Variants in KCTD1 observed in about 807,000 individuals in gnomAD.
KCTD1 encodes the protein BTB/POZ domain-containing protein KCTD1.
In KCTD1, 24 loss-of-function variants were observed where a neutral mutation model predicts 66.0. The observed-to-expected ratio is 0.36, with a 90% CI of 0.26 to 0.51. KCTD1 has a LOEUF of 0.51. Among genes scored for constraint, KCTD1 ranks in the 20% least tolerant of loss-of-function variants. The pLI, the probability that KCTD1 is intolerant of heterozygous loss-of-function variation, is 0.95. For missense variants in KCTD1, 943 were observed against 1,205.2 expected, an observed-to-expected ratio of 0.78 and a Z score of 3.22; for synonymous variants, 511 against 517.2, an observed-to-expected ratio of 0.99 and a Z score of 0.16.
intron 1 of KCTD1, among the ~76,000 whole-genome samples, chr18:26,652,230 G>T (rs1988050589): frequency 6.6e-6 from 1 of 152,166 alleles, no homozygotes; most frequent in African/African-American, 2.4e-5. Flanking sequence ...TGTAAGGCAG[G>T]TTAGAGAGAT....
intron 1 of KCTD1, among the ~76,000 whole-genome samples, chr18:26,580,420 C>T (rs916930983): frequency 5.3e-5 from 8 of 152,120 alleles, no homozygotes; most frequent in African/African-American, 1.9e-4. Flanking sequence ...CTTTATCATT[C>T]AGTCAGATCT....
At chr18:26,650,213 T>C (rs1420026005) in intron 1 of KCTD1, among the ~76,000 whole-genome samples, 1 of 152,194 alleles carries the variant, frequency 6.6e-6, no homozygotes. Flanking sequence ...AACCAGCAGG[T>C]GAGGGTATCT....
intron 1 of KCTD1, chr18:26,657,238 T>G: frequency 4.2e-6 from 3 of 715,236 alleles, no homozygotes; most frequent in Non-Finnish European, 5.1e-6. Flanking sequence ...GCGGGCGGCG[T>G]GTGTGCGAGT....
intron 1 of KCTD1, among the ~76,000 whole-genome samples, chr18:26,589,013 C>CAGTCAGCAGTTAGATA (rs1268547559): frequency 1.4e-4 from 22 of 152,060 alleles, no homozygotes; most frequent in African/African-American, 5.1e-4. Flanking sequence ...TAACTGCAAA[C>CAGTCAGCAGTTAGATA]AATCAGCAGA....
At chr18:26,657,431 T>A (rs1988182903), upstream of KCTD1, 1 of 979,556 alleles carries the variant, frequency 1.0e-6, no homozygotes, top group Non-Finnish European at 1.2e-6. Flanking sequence ...TTCCGATTTC[T>A]CTCCCAGCGA....
intron 1 of KCTD1, 78 bp from the exon 2 acceptor site, chr18:26,501,328 AAAC>A (rs1225698020): frequency 4.0e-6 from 5 of 1,249,688 alleles, no homozygotes; most frequent in Non-Finnish European, 5.5e-6. Context: ...CATAAAGAAT[AAAC>A]GAGTGATTAA....
At chr18:26,643,977 C>A (rs58336405), upstream of KCTD1, among the ~76,000 whole-genome samples, 15,349 of 151,772 alleles carry the variant, frequency 0.1, 1,394 homozygotes, top group African/African-American at 0.24. Context: ...AAAAAGGGGG[C>A]CTGCTAAGGT....
At chr18:26,492,443 G>A (rs1344555993) in intron 2 of KCTD1, among the ~76,000 whole-genome samples, 2 of 151,946 alleles carry the variant, frequency 1.3e-5, no homozygotes, top group African/African-American at 4.8e-5. Flanking sequence ...AGACCAGCCT[G>A]GGCAACATGG....
chr18:26,504,714 G>A lies in KCTD1; in HGVS notation c.1810-3464C>T, dbSNP rs181496449. On this transcript the variant is annotated intron_variant, in intron 1 of 4. Transcript: ENST00000580059. Reference sequence around the variant, plus strand: ...ATCCTTAGGCTGGGGTTGGGGGGGCGATATTTGGGGCTGAGAGTTTGGGCA... The same window carrying A: ...ATCCTTAGGCTGGGGTTGGGGGGGCAATATTTGGGGCTGAGAGTTTGGGCA... Among the ~76,000 whole-genome samples the A allele has an allele frequency of 3.3e-5, 5 of 151,140 alleles. 1 individual carries two copies. The highest frequency in any genetic ancestry group is 4.2e-4 in the South Asian group (2 of 4,816).
Position 26,541,001 on chromosome 18 carries a change from C to T in KCTD1, c.1809+5727G>A, listed in dbSNP as rs537718971. Among the ~76,000 whole-genome samples, 5 of 152,248 alleles carry T rather than the reference C, an allele frequency of 3.3e-5. No homozygotes were observed. The East Asian group carries it at 5.8e-4, about 18-fold the overall frequency. ...TTCAAGTGGCATTGGCTCTATCTTC[C>T]GGTGGAGATGGTGCTGCAGGGTTGG... On this transcript the variant is annotated intron_variant, in intron 1 of 4. Coordinates refer to ENST00000580059, the MANE Select transcript of KCTD1 (RefSeq NM_001142730.3).
intron 1 of KCTD1, among the ~76,000 whole-genome samples, chr18:26,606,596 T>C (rs1987021733): frequency 1.3e-5 from 2 of 152,152 alleles, no homozygotes; most frequent in African/African-American, 4.8e-5. Context: ...CCTGTCTCCG[T>C]CATTAGAATA....
chr18:26,613,062 A>G (rs1310954085), intron 1 of KCTD1, among the ~76,000 whole-genome samples: 1 of 152,224 alleles, frequency 6.6e-6, no homozygotes, highest in Non-Finnish European at 1.5e-5. Context: ...TTGAGACCAG[A>G]GACCTTTGTG....
At chr18:26,538,633 T>C (rs765419357) in intron 1 of KCTD1, among the ~76,000 whole-genome samples, 1 of 152,238 alleles carries the variant, frequency 6.6e-6, no homozygotes, top group Non-Finnish European at 1.5e-5. Context: ...TTTGTTCAAA[T>C]GTAAAGCATT....
In KCTD1 at chr18:26,647,519, C is replaced by CAAAAAAAAAAAAAAA; in HGVS notation, c.9+9826_9+9840dup. ...TGGGAAACAGAGTGAGACTCCATCT[C>CAAAAAAAAAAAAAAA]AAAAAAAAAAAAAAAAAAAAAAAAA... On this transcript the variant is annotated intron_variant, in intron 1 of 4. Coordinates refer to the KCTD1 transcript ENST00000580191. Among the ~76,000 whole-genome samples, 211 of 57,304 alleles carry CAAAAAAAAAAAAAAA rather than the reference C, an allele frequency of 3.7e-3. 18 individuals are homozygous for CAAAAAAAAAAAAAAA. Among genetic ancestry groups the CAAAAAAAAAAAAAAA allele is most frequent in the East Asian group, 9.7e-3 (13 of 1,336 alleles). 37.6% of individuals were successfully genotyped at this position (57,304 alleles called of 152,430 possible).
At chr18:26,614,476 C>T (rs1987206491) in intron 1 of KCTD1, among the ~76,000 whole-genome samples, 1 of 152,098 alleles carries the variant, frequency 6.6e-6, no homozygotes, top group Admixed American at 6.6e-5. Flanking sequence ...TTGAGATGAG[C>T]CTGGTGCAGA....
At chr18:26,587,981 CA>C (rs1269870270) in intron 1 of KCTD1, among the ~76,000 whole-genome samples, 1 of 152,172 alleles carries the variant, frequency 6.6e-6, no homozygotes, top group African/African-American at 2.4e-5. Context: ...AATTTAGTGA[CA>C]AAGCAGCAGC....
At chr18:26,643,768 C>A (rs1314199344), upstream of KCTD1, among the ~76,000 whole-genome samples, 1 of 152,190 alleles carries the variant, frequency 6.6e-6, no homozygotes, top group Admixed American at 6.5e-5. Flanking sequence ...GGAGACCATC[C>A]TGGCTAACAC....
chr18:26,641,856 A>T (rs1987840084), upstream of KCTD1, among the ~76,000 whole-genome samples: 1 of 152,150 alleles, frequency 6.6e-6, no homozygotes, highest in Admixed American at 6.5e-5. Flanking sequence ...CATAGGTTCC[A>T]TTTAGAGCCA....
At chr18:26,649,643 G>T (rs987676078) in intron 1 of KCTD1, among the ~76,000 whole-genome samples, 1 of 152,132 alleles carries the variant, frequency 6.6e-6, no homozygotes, top group African/African-American at 2.4e-5. Context: ...CGAGTAGCTG[G>T]GACTACAGGC....
Sources: allele counts gnomAD v4.1 joint callset (sites outside exome capture counted in the v4.1 genomes callset), GRCh38; gene constraint gnomAD v4.1.1; transcripts MANE v1.5; gene names NCBI Gene and HGNC (gene_info 2026-07-23, HGNC 2026-07-21).